Variants in ANO3 observed in about 807,000 individuals in gnomAD.
The protein encoded by ANO3 is anoctamin 3, also known as anoctamin-3.
Under a neutral mutation model 144.8 loss-of-function variants are expected in ANO3, and 99 were observed. That is an observed-to-expected ratio of 0.68 (90% CI 0.58 to 0.81). The LOEUF (loss-of-function observed/expected upper bound fraction) is 0.81. ANO3 is among the 30% of genes least tolerant of loss of function. The pLI is 0.00. For synonymous variants in ANO3, 414 were observed against 392.6 expected (o/e 1.05, Z -0.64); for missense variants, 905 against 1,202.2 (o/e 0.75, Z 3.66).
chr11:26,452,335 A>G (rs916931896), intron 3 of ANO3, among the ~76,000 whole-genome samples: 4 of 152,176 alleles, frequency 2.6e-5, no homozygotes, highest in African/African-American at 7.2e-5. Flanking sequence ...ACTTTGAAAA[A>G]CATTTAGACG....
rs553664487 is a variant in ANO3, at chr11:26,480,711, G to A, written c.432+17563G>A. Among the ~76,000 whole-genome samples, 10 of 152,112 alleles carry A rather than the reference G, an allele frequency of 6.6e-5. No individual in the cohort carries two copies. In the East Asian group the frequency reaches 1.6e-3, roughly 24 times the overall value. ...TAGACCCAGCTACTTGGGAGGCTGA[G>A]GCAGGTTCATCAATTGAACCCAGGA... On this transcript the variant is annotated intron_variant, in intron 4 of 26. Transcript: ENST00000256737.
At chr11:26,254,912 G>C (rs1853020543) in intron 1 of ANO3, among the ~76,000 whole-genome samples, 1 of 152,136 alleles carries the variant, frequency 6.6e-6, no homozygotes, top group Non-Finnish European at 1.5e-5. Flanking sequence ...ATTTGAGATT[G>C]TCCTCAATAT....
intron 18 of ANO3, among the ~76,000 whole-genome samples, chr11:26,632,149 C>T (rs1202868785): frequency 1.3e-5 from 2 of 149,670 alleles, no homozygotes; most frequent in African/African-American, 4.9e-5. Context: ...CCAAGATTGC[C>T]ATGCTACAAT....
In ANO3 at chr11:26,582,276, G is replaced by A. The variant is rs149222604; in HGVS notation, c.1448-16089G>A. Among the ~76,000 whole-genome samples the A allele has an allele frequency of 2.2e-4, 34 of 152,244 alleles. No individual in the cohort carries two copies. The East Asian group carries it at 3.9e-3, about 17-fold the overall frequency. ...GTCAGTAATTTATTTTATAGTGATC[G>A]GTGTTTACTTACGGTGACAAGTACA... On this transcript the variant is annotated intron_variant, in intron 14 of 26. Coordinates refer to ENST00000256737, the MANE Select transcript of ANO3 (RefSeq NM_031418.4).
Position 26,516,883 on chromosome 11 carries a change from G to A in ANO3, c.648G>A (p.Thr216=), listed in dbSNP as rs769596059. 3.8e-5 allele frequency: 61 copies of A among 1,611,486 alleles called. No individual in the cohort carries two copies. Among genetic ancestry groups the A allele is most frequent in the Non-Finnish European group, 4.9e-5 (58 of 1,178,266 alleles). The part of the protein sequence containing the change: ...MFIKIHIPWD[T]LCKYAERLNI... Reference sequence around the variant, plus strand: ...TTAAAATTCACATTCCATGGGACACGCTGTGCAAGTATGCAGAGAGGCTGA... The same window carrying A: ...TTAAAATTCACATTCCATGGGACACACTGTGCAAGTATGCAGAGAGGCTGA... Residue 216 remains threonine, a synonymous_variant, in exon 6 of 27, where the codon ACG becomes ACA. Coordinates refer to ENST00000256737, the MANE Select transcript of ANO3 (RefSeq NM_031418.4).
intron 3 of ANO3, among the ~76,000 whole-genome samples, chr11:26,446,580 A>G (rs781113814): frequency 6.6e-6 from 1 of 152,184 alleles, no homozygotes; most frequent in Non-Finnish European, 1.5e-5. Flanking sequence ...AGGCTCCCTA[A>G]CAGGATGGGT....
chr11:26,224,782 C>T (rs1852222663), intron 1 of ANO3, among the ~76,000 whole-genome samples: 1 of 152,150 alleles, frequency 6.6e-6, no homozygotes, highest in African/African-American at 2.4e-5. Context: ...AACATGTGGG[C>T]CCTCAGTGCT....
At chr11:26,399,805 C>G (rs955054795) in intron 1 of ANO3, among the ~76,000 whole-genome samples, 1 of 151,914 alleles carries the variant, frequency 6.6e-6, no homozygotes, top group Non-Finnish European at 1.5e-5. Context: ...CCTCTTACCA[C>G]GCTAGAAAGT....
intron 12 of ANO3, among the ~76,000 whole-genome samples, chr11:26,550,685 G>A (rs1237118909): frequency 6.6e-6 from 1 of 151,870 alleles, no homozygotes; most frequent in African/African-American, 2.4e-5. Context: ...TAAACATTTG[G>A]ATTGTTTCCA....
intron 1 of ANO3, among the ~76,000 whole-genome samples, chr11:26,310,419 T>C (rs1247619079): frequency 6.6e-6 from 1 of 152,150 alleles, no homozygotes; most frequent in Admixed American, 6.5e-5. Context: ...TGAGAAAACA[T>C]AAAATAGAGA....
chr11:26,576,229 G>A (rs1365227471), intron 14 of ANO3, among the ~76,000 whole-genome samples: 1 of 152,080 alleles, frequency 6.6e-6, no homozygotes, highest in African/African-American at 2.4e-5. Context: ...TTGCCATCAC[G>A]TTTCCAAGAA....
At chr11:26,492,258 G>A (rs1381891343) in intron 4 of ANO3, among the ~76,000 whole-genome samples, 1 of 152,174 alleles carries the variant, frequency 6.6e-6, no homozygotes, top group Non-Finnish European at 1.5e-5. Context: ...CAATTCTTCT[G>A]CTTCACTTCT....
intron 17 of ANO3, among the ~76,000 whole-genome samples, chr11:26,613,433 C>G (rs1013136792): frequency 2.0e-5 from 3 of 152,036 alleles, no homozygotes; most frequent in Non-Finnish European, 4.4e-5. Flanking sequence ...TGTCTTGTAT[C>G]TCACTGCATT....
At position 26,512,048 on chromosome 11, in the gene ANO3, G is replaced by A. The variant is rs542451538; in HGVS notation, c.591+3786G>A. 5.0e-4 allele frequency among the ~76,000 whole-genome samples: 76 copies of A among 152,124 alleles called. 1 individual carries two copies. The highest frequency in any genetic ancestry group is 1.6e-3 in the African/African-American group (68 of 41,520). Reference sequence around the variant, plus strand: ...GCAGGTTAGTATCATGATCACATTCGTTTTCAAAAAATAAATTTGGATTAC... The same window carrying A: ...GCAGGTTAGTATCATGATCACATTCATTTTCAAAAAATAAATTTGGATTAC... On this transcript the variant is annotated intron_variant, in intron 5 of 26. Transcript: ENST00000256737.
intron 1 of ANO3, among the ~76,000 whole-genome samples, chr11:26,269,808 C>T (rs1853402108): frequency 6.6e-6 from 1 of 152,172 alleles, no homozygotes; most frequent in African/African-American, 2.4e-5. Context: ...CCACATCCAC[C>T]CTGCCAAAAA....
chr11:26,235,182 G>A (rs550467001), intron 1 of ANO3, among the ~76,000 whole-genome samples: 9 of 152,256 alleles, frequency 5.9e-5, no homozygotes, highest in African/African-American at 2.2e-4. Context: ...TGCCCTCACA[G>A]ATAAATCCAG....
intron 1 of ANO3, among the ~76,000 whole-genome samples, chr11:26,314,144 G>A (rs181857899): frequency 9.9e-4 from 150 of 152,192 alleles, no homozygotes; most frequent in African/African-American, 2.6e-3. Flanking sequence ...GCCTTGAAAT[G>A]GAAATTGCTC....
At chr11:26,626,368 G>C (rs919507114) in intron 18 of ANO3, among the ~76,000 whole-genome samples, 3 of 152,200 alleles carry the variant, frequency 2.0e-5, no homozygotes, top group African/African-American at 7.2e-5. Context: ...AGACAACAAT[G>C]CAGATCTGAT....
intron 17 of ANO3, among the ~76,000 whole-genome samples, chr11:26,616,439 T>G (rs1043863411): frequency 2.6e-5 from 2 of 77,696 alleles, no homozygotes; most frequent in African/African-American, 4.0e-5. Flanking sequence ...GTTTCTGGTT[T>G]TTTTTTTTTT....
Sources: gnomAD v4.1 joint callset for allele counts (sites outside exome capture counted in the v4.1 genomes callset) on GRCh38, gnomAD v4.1.1 for gene constraint, MANE v1.5 for transcripts, NCBI Gene and HGNC (gene_info 2026-07-23, HGNC 2026-07-21) for gene names.